CSMD1: variants seen among roughly 807,000 people sequenced by gnomAD.
The protein encoded by CSMD1 is CUB and Sushi multiple domains 1.
Under a neutral mutation model 417.5 loss-of-function variants are expected in CSMD1, and 213 were observed. The observed-to-expected ratio is 0.51, with a 90% CI of 0.46 to 0.57. The LOEUF (loss-of-function observed/expected upper bound fraction) is 0.57, where lower values mean the gene tolerates loss of function less well. Among genes scored for constraint, CSMD1 ranks in the 20% least tolerant of loss-of-function variants. The probability of loss-of-function intolerance (pLI) is 0.00; values close to 1 mark genes in which losing one functional copy is unlikely to be tolerated. For missense variants in CSMD1, 6,923 were observed against 4,529.7 expected (o/e 1.53, Z -15.17); for synonymous variants, 2,862 against 1,736.8 (o/e 1.65, Z -16.11).
chr8:3,433,484 C>A (rs12675461), intron 12 of CSMD1, among the ~76,000 whole-genome samples: 2,024 of 152,034 alleles, frequency 0.013, 51 homozygotes, highest in East Asian at 0.096. Context: ...GTGGTGTGGG[C>A]GGATTGCTTC....
intron 24 of CSMD1, 134 bp downstream of exon 24, chr8:3,308,178 C>G (rs1805035231): frequency 8.5e-6 from 6 of 703,588 alleles, no homozygotes; most frequent in African/African-American, 1.9e-5. Context: ...GTGCAAATCT[C>G]AGAATACATA....
intron 2 of CSMD1, among the ~76,000 whole-genome samples, chr8:4,441,979 AAAT>A (rs1184212547): frequency 1.3e-5 from 2 of 152,232 alleles, no homozygotes; most frequent in Non-Finnish European, 2.9e-5. Flanking sequence ...TCCGAAAACC[AAAT>A]AATAAAAGGT....
At chr8:4,685,158 C>G (rs1340965083) in intron 1 of CSMD1, among the ~76,000 whole-genome samples, 1 of 152,130 alleles carries the variant, frequency 6.6e-6, no homozygotes, top group Non-Finnish European at 1.5e-5. Flanking sequence ...ATGTTGTAAA[C>G]AAACATAATG....
chr8:4,255,546 T>C lies in CSMD1; in HGVS notation c.415+164407A>G, dbSNP rs1206867123. The stretch of plus-strand genomic sequence containing the variant: ...CGGTTAAAAGTCGCAATCACTTTTG[T>C]TTTTATCTTCTAGATAGAATTTTTT... On this transcript the variant is annotated intron_variant, in intron 3 of 69. Coordinates refer to ENST00000635120, the MANE Select transcript of CSMD1 (RefSeq NM_033225.6). Among the ~76,000 whole-genome samples, 12 of 152,292 alleles carry C rather than the reference T, an allele frequency of 7.9e-5. No homozygotes were observed. In the South Asian group the frequency reaches 1.0e-3, roughly 13 times the overall value.
intron 3 of CSMD1, among the ~76,000 whole-genome samples, chr8:4,407,527 C>A (rs555918378): frequency 6.6e-6 from 1 of 152,166 alleles, no homozygotes; most frequent in East Asian, 1.9e-4. Flanking sequence ...TGTTTAAATT[C>A]AGAGTACAGA....
chr8:4,055,339 C>T (rs6982198), intron 3 of CSMD1, among the ~76,000 whole-genome samples: 14,155 of 151,994 alleles, frequency 0.093, 836 homozygotes, highest in Admixed American at 0.17. Flanking sequence ...TTATAGATTA[C>T]AAAAATATCC....
chr8:3,283,337 G>A (rs911063764), intron 26 of CSMD1, among the ~76,000 whole-genome samples: 1 of 152,122 alleles, frequency 6.6e-6, no homozygotes, highest in Non-Finnish European at 1.5e-5. Flanking sequence ...GGCTGGGTTA[G>A]GGGAGCCCTG....
intron 4 of CSMD1, among the ~76,000 whole-genome samples, chr8:4,006,808 T>C (rs1377632074): frequency 6.7e-6 from 1 of 148,390 alleles, no homozygotes; most frequent in Non-Finnish European, 1.5e-5. Context: ...GCTGAGAGAA[T>C]CCAGGACTTT....
chr8:4,914,583 G>GAAAAAAAAAAAAAAA (rs59293226), intron 1 of CSMD1, among the ~76,000 whole-genome samples: 1 of 133,684 alleles, frequency 7.5e-6, no homozygotes, highest in African/African-American at 2.8e-5. Context: ...CTCCCAAAAA[G>GAAAAAAAAAAAAAAA]AAAAAAAAAA....
intron 2 of CSMD1, among the ~76,000 whole-genome samples, chr8:4,573,039 A>C (rs1197125642): frequency 1.3e-5 from 2 of 152,136 alleles, no homozygotes; most frequent in Non-Finnish European, 1.5e-5. Context: ...CAAGGTTCTT[A>C]TCTTCCTTGT....
chr8:3,973,770 T>C (rs1470575269), intron 5 of CSMD1, among the ~76,000 whole-genome samples: 3 of 152,194 alleles, frequency 2.0e-5, no homozygotes, highest in African/African-American at 4.8e-5. Flanking sequence ...CAGTGTTTCA[T>C]TATTTGAGAC....
chr8:4,232,796 T>C (rs1801821880), intron 3 of CSMD1, among the ~76,000 whole-genome samples: 1 of 152,342 alleles, frequency 6.6e-6, no homozygotes, highest in Admixed American at 6.5e-5. Context: ...ATGAATTGAA[T>C]GTCAGGTGCC....
At chr8:4,649,285 T>C (rs531214262) in intron 1 of CSMD1, among the ~76,000 whole-genome samples, 36 of 152,340 alleles carry the variant, frequency 2.4e-4, no homozygotes, top group African/African-American at 8.2e-4. Context: ...GACTATTGTA[T>C]CTGATAAAAG....
intron 4 of CSMD1, among the ~76,000 whole-genome samples, chr8:4,015,020 G>C (rs1796453494): frequency 6.6e-6 from 1 of 152,148 alleles, no homozygotes. Flanking sequence ...AGGTTTACTA[G>C]AATCTAAGAC....
chr8:4,148,800 G>A (rs1414140205), intron 3 of CSMD1, among the ~76,000 whole-genome samples: 1 of 152,132 alleles, frequency 6.6e-6, no homozygotes, highest in Non-Finnish European at 1.5e-5. Flanking sequence ...GGTGCATTGG[G>A]AAGGGATGTC....
intron 7 of CSMD1, among the ~76,000 whole-genome samples, chr8:3,645,769 G>C (rs775862316): frequency 9.2e-5 from 14 of 152,140 alleles, no homozygotes; most frequent in Non-Finnish European, 1.6e-4. Flanking sequence ...TATAAGAAAA[G>C]GTGAGAAAAA....
chr8:3,725,014 G>A (rs893093660), intron 6 of CSMD1, among the ~76,000 whole-genome samples: 4 of 152,184 alleles, frequency 2.6e-5, no homozygotes, highest in Non-Finnish European at 5.9e-5. Context: ...AGCTATAAAC[G>A]TTATTCTGGG....
intron 1 of CSMD1, among the ~76,000 whole-genome samples, chr8:4,846,007 C>T (rs1801120273): frequency 6.6e-6 from 1 of 152,152 alleles, no homozygotes. Flanking sequence ...TACTGGCCAT[C>T]CACTTTCTCA....
chr8:3,359,009 C>T (rs558998044), intron 21 of CSMD1, 143 bp downstream of exon 21: 1 of 691,426 alleles, frequency 1.4e-6, no homozygotes, highest in Non-Finnish European at 2.4e-6. Flanking sequence ...CCCCTCTCCC[C>T]TGGTTGGCAG....
Sources: gnomAD v4.1 joint callset for allele counts (sites outside exome capture counted in the v4.1 genomes callset) on GRCh38, gnomAD v4.1.1 for gene constraint, MANE v1.5 for transcripts, NCBI Gene and HGNC (gene_info 2026-07-23, HGNC 2026-07-21) for gene names.